Variants in IFT74 observed in about 807,000 individuals in gnomAD.
IFT74 encodes intraflagellar transport protein 74 homolog.
Under a neutral mutation model 96.7 loss-of-function variants are expected in IFT74, and 92 were observed. That is an observed-to-expected ratio of 0.95 (90% CI 0.80 to 1.13). IFT74 has a LOEUF of 1.13. IFT74 is among the 50% of genes most tolerant of loss of function. The pLI, the probability that IFT74 is intolerant of heterozygous loss-of-function variation, is 0.00. For missense variants in IFT74, 811 were observed against 698.2 expected, an observed-to-expected ratio of 1.16 and a Z score of -1.82; for synonymous variants, 223 against 213.2, an observed-to-expected ratio of 1.05 and a Z score of -0.40.
chr9:27,024,974 T>TTA (rs1371318552), intron 12 of IFT74, among the ~76,000 whole-genome samples: 1 of 130,800 alleles, frequency 7.6e-6, no homozygotes, highest in Non-Finnish European at 1.7e-5. Flanking sequence ...AAAAAAGAAT[T>TTA]AAAAAAAAAA....
intron 13 of IFT74, among the ~76,000 whole-genome samples, chr9:27,033,963 G>A (rs975937898): frequency 2.6e-5 from 4 of 152,024 alleles, no homozygotes; most frequent in South Asian, 2.1e-4. Context: ...TGACAGTTCC[G>A]AAGTTTTGAC....
intron 8 of IFT74, chr9:26,994,108 A>G (rs1363482715): frequency 6.6e-6 from 1 of 152,200 alleles, no homozygotes; most frequent in African/African-American, 2.4e-5. Context: ...TTGGAATGTT[A>G]TTGAACTACG....
Position 27,065,286 on chromosome 9 carries a change from T to G in IFT74, c.*2550T>G, listed in dbSNP as rs1156504686. ...GTCTCTCTTCCTTCCTCTGAGAGCC[T>G]TTCCACAAATCCAACAAGAATATTC... is the stretch of plus-strand genomic sequence containing the variant. On this transcript the variant is annotated 3_prime_UTR_variant, in exon 20 of 20. Coordinates refer to ENST00000380062, the MANE Select transcript of IFT74 (RefSeq NM_025103.4). Among the ~76,000 whole-genome samples, 1 of 152,170 alleles carries G rather than the reference T, an allele frequency of 6.6e-6. No individual in the cohort carries two copies. The highest frequency in any genetic ancestry group is 1.5e-5 in the Non-Finnish European group (1 of 68,010).
At chr9:26,988,594 C>A in intron 6 of IFT74, 75 bp from the exon 7 acceptor site, 1 of 1,274,200 alleles carries the variant, frequency 7.8e-7, no homozygotes, top group East Asian at 2.6e-5. Context: ...GACTGAATAC[C>A]TATATTATTA....
At chr9:26,952,187 A>G (rs192367041), upstream of IFT74, among the ~76,000 whole-genome samples, 260 of 152,178 alleles carry the variant, frequency 1.7e-3, 1 homozygote, top group Non-Finnish European at 7.2e-4. Flanking sequence ...TATTATCTAG[A>G]TAATTGCATA....
chr9:26,998,036 A>G (rs1310813600), intron 8 of IFT74: 1 of 1,613,656 alleles, frequency 6.2e-7, no homozygotes, highest in Non-Finnish European at 8.5e-7. Context: ...TAGACTGGAG[A>G]GGTTACCAAA....
At chr9:27,011,412 CATATTT>C (rs1829067635) in intron 9 of IFT74, among the ~76,000 whole-genome samples, 1 of 151,816 alleles carries the variant, frequency 6.6e-6, no homozygotes, top group Non-Finnish European at 1.5e-5. Context: ...ACATGTGAAC[CATATTT>C]ATATTTACAT....
At position 27,056,412 on chromosome 9, in the gene IFT74, T is replaced by C. The variant is rs200671414; in HGVS notation, c.1576T>C (p.Tyr526His). ...AATAATGGAGAAGCAAAACATAGAG[T>C]ATGAGGCACTAAAAACACAATTGCA... Reference protein sequence around the residue: ...KKIMEKQNIEYEALKTQLQEN... With the variant: ...KKIMEKQNIEHEALKTQLQEN... The change falls in exon 18 of 20, where the codon TAT becomes CAT. Residue 526 changes from tyrosine to histidine, a missense_variant. Physicochemically the swap from Tyr to His is moderately conservative, Grantham distance 83. Coordinates refer to ENST00000380062, the MANE Select transcript of IFT74 (RefSeq NM_025103.4). 107 of 1,600,424 alleles carry C rather than the reference T, an allele frequency of 6.7e-5. No homozygotes were observed. The African/African-American group carries it at 1.3e-3, about 19-fold the overall frequency.
At chr9:27,058,340 C>A (rs994106156) in intron 18 of IFT74, among the ~76,000 whole-genome samples, 3 of 152,168 alleles carry the variant, frequency 2.0e-5, no homozygotes, top group Admixed American at 1.3e-4. Flanking sequence ...CCTCCTGCCT[C>A]AGCCTCCCAA....
intron 2 of IFT74, among the ~76,000 whole-genome samples, chr9:26,967,044 C>CA (rs1826651838): frequency 7.0e-6 from 1 of 143,864 alleles, no homozygotes. Flanking sequence ...TTTTCTTTTC[C>CA]TTTTTTTTTT....
At chr9:27,049,446 C>T (rs776517387) in intron 16 of IFT74, among the ~76,000 whole-genome samples, 3 of 152,114 alleles carry the variant, frequency 2.0e-5, no homozygotes, top group Non-Finnish European at 2.9e-5. Flanking sequence ...CCCAGGGATG[C>T]AGACTTGAGC....
At chr9:27,002,856 T>C (rs1828573810) in intron 8 of IFT74, among the ~76,000 whole-genome samples, 1 of 152,190 alleles carries the variant, frequency 6.6e-6, no homozygotes, top group Admixed American at 6.5e-5. Context: ...AGGAATTGCA[T>C]TGAATCAGTA....
At chr9:27,017,214 TTTA>T (rs559691910) in intron 11 of IFT74, among the ~76,000 whole-genome samples, 164 bp downstream of exon 11, 1 of 151,656 alleles carries the variant, frequency 6.6e-6, no homozygotes, top group Non-Finnish European at 1.5e-5. Flanking sequence ...TTCTTCCTCT[TTTA>T]TTATTATTAT....
chr9:27,019,351 C>T (rs73436068), intron 12 of IFT74, among the ~76,000 whole-genome samples: 2,768 of 152,080 alleles, frequency 0.018, 88 homozygotes, highest in African/African-American at 0.062. Context: ...TAGCCATGCC[C>T]ATTCTGGACA....
At chr9:26,961,083 G>GTTTTTTT (rs1349288699) in intron 1 of IFT74, among the ~76,000 whole-genome samples, 1 of 118,510 alleles carries the variant, frequency 8.4e-6, no homozygotes, top group Non-Finnish European at 1.8e-5. Flanking sequence ...AGTGAATCTT[G>GTTTTTTT]TTTTTTTTTT....
intron 2 of IFT74, among the ~76,000 whole-genome samples, chr9:26,968,031 G>C (rs1209820227): frequency 6.8e-6 from 1 of 148,092 alleles, no homozygotes; most frequent in East Asian, 2.0e-4. Flanking sequence ...CAGGGATATT[G>C]GCCTATAGTT....
chr9:26,997,525 G>A (rs541111897), intron 8 of IFT74, among the ~76,000 whole-genome samples: 10 of 152,060 alleles, frequency 6.6e-5, no homozygotes, highest in African/African-American at 2.2e-4. Context: ...GCAGAGATGG[G>A]GTTTCACCAT....
At chr9:26,978,759 TTTTTCTGATAA>T (rs1241829987) in intron 3 of IFT74, among the ~76,000 whole-genome samples, 4 of 152,168 alleles carry the variant, frequency 2.6e-5, no homozygotes, top group Admixed American at 2.0e-4. Flanking sequence ...AATGTTACTT[TTTTTCTGATAA>T]TTAGCATCTG....
At chr9:27,030,781 A>C (rs1032317491) in intron 13 of IFT74, among the ~76,000 whole-genome samples, 1 of 152,192 alleles carries the variant, frequency 6.6e-6, no homozygotes, top group Admixed American at 6.5e-5. Flanking sequence ...AAATGCCAAC[A>C]ATTGCATATT....
Sources: allele counts gnomAD v4.1 joint callset (sites outside exome capture counted in the v4.1 genomes callset), GRCh38; gene constraint gnomAD v4.1.1; transcripts MANE v1.5; gene names NCBI Gene and HGNC (gene_info 2026-07-23, HGNC 2026-07-21).